STOX2: variants seen among roughly 807,000 people sequenced by gnomAD.
The protein encoded by STOX2 is storkhead box 2, also known as storkhead-box protein 2.
A neutral mutation model predicts 60.9 loss-of-function variants in STOX2; 28 were observed. The observed-to-expected ratio is 0.46, with a 90% CI of 0.34 to 0.63. The LOEUF (loss-of-function observed/expected upper bound fraction) is 0.63, where lower values mean the gene tolerates loss of function less well. STOX2 is among the 30% of genes least tolerant of loss of function. The pLI, the probability that STOX2 is intolerant of heterozygous loss-of-function variation, is 0.01. For missense variants in STOX2, 1,024 were observed against 1,187.7 expected, an observed-to-expected ratio of 0.86 and a Z score of 2.03; for synonymous variants, 472 against 463.9, an observed-to-expected ratio of 1.02 and a Z score of -0.22.
At chr4:183,848,844 G>A (rs1740045178) in intron 1 of STOX2, among the ~76,000 whole-genome samples, 2 of 152,246 alleles carry the variant, frequency 1.3e-5, no homozygotes, top group Non-Finnish European at 2.9e-5. Context: ...GCTAAAGCCT[G>A]TGGTGTGTCG....
chr4:183,801,417 G>A (rs552769247), intron 1 of STOX2, among the ~76,000 whole-genome samples: 13 of 152,328 alleles, frequency 8.5e-5, no homozygotes, highest in South Asian at 2.1e-4. Flanking sequence ...GCTTTCTAGC[G>A]CCAGCCTCTG....
At position 183,865,664 on chromosome 4, in the gene STOX2, G is replaced by C. The variant is rs983876077; in HGVS notation, c.364+67609G>C. 6.6e-6 allele frequency among the ~76,000 whole-genome samples: 1 copy of C among 152,182 alleles called. No homozygotes were observed. The highest frequency in any genetic ancestry group is 1.5e-5 in the Non-Finnish European group (1 of 68,034). ...AAAAAAATTCACTGAAGAGGAGGTA[G>C]TGATTTATGCTAAAAGAATAAGACA... is the stretch of plus-strand genomic sequence containing the variant. On this transcript the variant is annotated intron_variant, in intron 1 of 2. Transcript: ENST00000513034. This position sits in a 1 kb window ranked among gnomAD's most constrained non-coding sequence, Gnocchi z 4.1.
intron 1 of STOX2, among the ~76,000 whole-genome samples, chr4:183,975,344 G>C (rs1412826448): frequency 6.6e-6 from 1 of 151,972 alleles, no homozygotes; most frequent in East Asian, 1.9e-4. Flanking sequence ...AAAGATAAGA[G>C]TAGATATCAA....
chr4:183,842,819 G>A (rs1739893528), intron 1 of STOX2, among the ~76,000 whole-genome samples: 1 of 152,036 alleles, frequency 6.6e-6, no homozygotes, highest in Admixed American at 6.6e-5. Flanking sequence ...ATAGGTCACA[G>A]TGAGTTTTAA....
chr4:183,841,598 T>G (rs530660745), intron 1 of STOX2, among the ~76,000 whole-genome samples: 1 of 152,302 alleles, frequency 6.6e-6, no homozygotes, highest in Non-Finnish European at 1.5e-5. Flanking sequence ...TATTTTAAAA[T>G]GAGGTTCATT....
At chr4:183,889,283 A>T (rs946282201) in intron 1 of STOX2, among the ~76,000 whole-genome samples, 1 of 151,974 alleles carries the variant, frequency 6.6e-6, no homozygotes, top group African/African-American at 2.4e-5. Flanking sequence ...TGTCCTTATA[A>T]AAAGGGGAAA....
intron 1 of STOX2, among the ~76,000 whole-genome samples, chr4:183,841,112 C>T (rs1245770716): frequency 1.3e-5 from 2 of 152,202 alleles, no homozygotes; most frequent in Non-Finnish European, 2.9e-5. Context: ...AAGTGATCTG[C>T]CCGCCCCGAC....
At chr4:183,892,952 G>T (rs1227963010) in intron 1 of STOX2, among the ~76,000 whole-genome samples, 1 of 152,120 alleles carries the variant, frequency 6.6e-6, no homozygotes, top group Non-Finnish European at 1.5e-5. Flanking sequence ...ATGTATCATG[G>T]CTCTGGAAAA....
chr4:183,843,865 G>A (rs929423141), intron 1 of STOX2, among the ~76,000 whole-genome samples: 1 of 151,970 alleles, frequency 6.6e-6, no homozygotes, highest in Non-Finnish European at 1.5e-5. Context: ...TATAATAATT[G>A]TAATTATAGT....
At position 184,021,500 on chromosome 4, in the gene STOX2, T is replaced by TA. The variant is rs1238135959; in HGVS notation, c.*4217dup. ...TTTACATCTCAGCACACCTTACTGG[T>TA]ATCAATGGATAAAGCGGGTGATTGA... is the stretch of plus-strand genomic sequence containing the variant. On this transcript the variant is annotated 3_prime_UTR_variant, in exon 4 of 4. Coordinates refer to ENST00000308497, the MANE Select transcript of STOX2 (RefSeq NM_020225.3). The TA allele has an allele frequency of 4.6e-5, 7 of 151,274 alleles. No individual in the cohort carries two copies. The highest frequency in any genetic ancestry group is 2.4e-5 in the African/African-American group (1 of 41,130). 9.4% of individuals were successfully genotyped at this position (151,274 alleles called of 1,614,324 possible). A position where few individuals can be genotyped will look rare whatever the true frequency, so the allele number is the denominator to read the frequency against.
In STOX2 at chr4:183,909,699, T is replaced by C. The variant is rs1020113603; in HGVS notation, c.166+2743T>C. ...AAATAGATATTAATAATTTTCCTTT[T>C]GGTCTAGCATCCCGTACCACACAGT... On this transcript the variant is annotated intron_variant, in intron 1 of 3. Transcript: ENST00000308497. 2.5e-4 allele frequency among the ~76,000 whole-genome samples: 38 copies of C among 152,212 alleles called. 2 individuals are homozygous for C. The highest frequency in any genetic ancestry group is 2.4e-5 in the African/African-American group (1 of 41,464).
intron 1 of STOX2, among the ~76,000 whole-genome samples, chr4:183,880,300 A>G (rs1407922166): frequency 6.6e-6 from 1 of 152,142 alleles, no homozygotes; most frequent in East Asian, 1.9e-4. Flanking sequence ...CTTTATCCAT[A>G]TACTGTGAGT....
rs1004286741 is a variant in STOX2, at chr4:183,840,622, G to A, written c.364+42567G>A. Among the ~76,000 whole-genome samples the A allele has an allele frequency of 6.6e-5, 10 of 152,040 alleles. No individual in the cohort carries two copies. The South Asian group carries it at 1.2e-3, about 19-fold the overall frequency. On this transcript the variant is annotated intron_variant, in intron 1 of 2. Transcript: ENST00000513034. The stretch of plus-strand genomic sequence containing the variant: ...CATAAAATTGCCATGCTTTCCCCTC[G>A]GTCTCCTAGAAATCCTTGTAGGATA...
At chr4:183,799,794 A>G (rs12646537) in intron 1 of STOX2, among the ~76,000 whole-genome samples, 20,047 of 152,126 alleles carry the variant, frequency 0.13, 1,826 homozygotes, top group East Asian at 0.39. Context: ...CATATTAACC[A>G]AAGAGAAATA....
intron 1 of STOX2, among the ~76,000 whole-genome samples, chr4:183,891,229 C>T (rs184797472): frequency 6.6e-6 from 1 of 151,218 alleles, no homozygotes; most frequent in Admixed American, 6.6e-5. Context: ...GGAACCAGCC[C>T]AAATGCCCAT....
intron 1 of STOX2, among the ~76,000 whole-genome samples, chr4:183,883,322 A>T (rs12499843): frequency 0.52 from 76,439 of 148,128 alleles, 20,149 homozygotes; most frequent in East Asian, 0.6. Flanking sequence ...CATGTTATAA[A>T]TTTTTTTTTT....
chr4:183,839,304 G>A (rs1739791169), intron 1 of STOX2, among the ~76,000 whole-genome samples: 1 of 152,192 alleles, frequency 6.6e-6, no homozygotes, highest in African/African-American at 2.4e-5. Flanking sequence ...ACATCTAGGT[G>A]TCAGATCAAA....
chr4:183,893,737 C>T (rs1741280329), intron 1 of STOX2, among the ~76,000 whole-genome samples: 1 of 151,918 alleles, frequency 6.6e-6, no homozygotes, highest in Non-Finnish European at 1.5e-5. Flanking sequence ...TTTATTTGTT[C>T]CTCTTATAAA....
intron 1 of STOX2, among the ~76,000 whole-genome samples, chr4:183,909,058 G>A (rs1430108983): frequency 6.6e-6 from 1 of 152,208 alleles, no homozygotes; most frequent in Admixed American, 6.5e-5. Context: ...AGGTGTTGCT[G>A]CTATGGAAGG....
Sources: allele counts gnomAD v4.1 joint callset (sites outside exome capture counted in the v4.1 genomes callset), GRCh38; gene constraint gnomAD v4.1.1; non-coding constraint Gnocchi (gnomAD v3.1); transcripts MANE v1.5; gene names NCBI Gene and HGNC (gene_info 2026-07-23, HGNC 2026-07-21).